The following DNAAF9 variants were observed in gnomAD, a reference collection of about 807,000 sequenced individuals.
The protein encoded by DNAAF9 is dynein axonemal assembly factor 9.
DNAAF9 carries 90 observed loss-of-function variants against 167.0 expected under a neutral mutation model. The ratio of observed to expected loss-of-function variants is 0.54; its 90% CI spans 0.45 to 0.64. DNAAF9 has a LOEUF of 0.64. DNAAF9 is among the 30% of genes least tolerant of loss of function. The pLI is 0.00. For missense variants in DNAAF9, 1,315 were observed against 1,442.2 expected (o/e 0.91, Z 1.43); for synonymous variants, 491 against 508.8 (o/e 0.96, Z 0.47).
At chr20:3,365,455 G>A (rs557710381) in intron 6 of DNAAF9, among the ~76,000 whole-genome samples, 1 of 152,152 alleles carries the variant, frequency 6.6e-6, no homozygotes, top group South Asian at 2.1e-4. Flanking sequence ...GCAGTGGCGT[G>A]ATCTCAGCTC....
At chr20:3,324,458 G>A (rs998682051) in intron 14 of DNAAF9, among the ~76,000 whole-genome samples, 2 of 151,936 alleles carry the variant, frequency 1.3e-5, no homozygotes, top group African/African-American at 4.8e-5. Flanking sequence ...AGATGATGCA[G>A]ACCCCAGGAC....
intron 12 of DNAAF9, among the ~76,000 whole-genome samples, chr20:3,328,700 T>C (rs1270080091): frequency 6.6e-6 from 1 of 152,032 alleles, no homozygotes; most frequent in Non-Finnish European, 1.5e-5. Flanking sequence ...AAGGTAAGAC[T>C]ACACCCACCA....
At chr20:3,293,203 G>A (rs2122926689) in intron 25 of DNAAF9, among the ~76,000 whole-genome samples, 1 of 131,708 alleles carries the variant, frequency 7.6e-6, no homozygotes, top group Admixed American at 9.2e-5. Flanking sequence ...TGAGGCAGGA[G>A]AATCCCTTGA....
intron 11 of DNAAF9, 107 bp from the exon 12 acceptor site, chr20:3,330,789 C>A: frequency 5.7e-6 from 3 of 530,590 alleles, no homozygotes; most frequent in Non-Finnish European, 9.8e-6. Context: ...TCAAGAACTA[C>A]ACTTTTTTTT....
At chr20:3,326,413 CCACT>C in intron 12 of DNAAF9, 129 bp from the exon 13 acceptor site, 1 of 650,888 alleles carries the variant, frequency 1.5e-6, no homozygotes. Flanking sequence ...AAAATATAAC[CCACT>C]GATTTCTAAA....
chr20:3,280,893 G>A (rs2122858459), intron 28 of DNAAF9, among the ~76,000 whole-genome samples: 1 of 152,208 alleles, frequency 6.6e-6, no homozygotes, highest in Middle Eastern at 3.4e-3. Context: ...GAGATTACAG[G>A]CATGAGCCAC....
At chr20:3,328,814 A>T (rs866266919) in intron 12 of DNAAF9, among the ~76,000 whole-genome samples, 1 of 151,844 alleles carries the variant, frequency 6.6e-6, no homozygotes, top group East Asian at 1.9e-4. Context: ...GCCCAGAAAG[A>T]TATATACGTA....
intron 33 of DNAAF9, among the ~76,000 whole-genome samples, chr20:3,257,707 C>T (rs1000356459): frequency 1.3e-5 from 2 of 151,476 alleles, no homozygotes; most frequent in Admixed American, 6.6e-5. Flanking sequence ...CCATGCCCGG[C>T]TAATTTTTTT....
At chr20:3,391,782 T>A (rs1359717436) in intron 1 of DNAAF9, among the ~76,000 whole-genome samples, 1 of 152,120 alleles carries the variant, frequency 6.6e-6, no homozygotes, top group Admixed American at 6.5e-5. Context: ...TTTCTCCATG[T>A]TGGCCAGGCT....
intron 6 of DNAAF9, among the ~76,000 whole-genome samples, chr20:3,368,045 C>A (rs2083452211): frequency 6.6e-6 from 1 of 152,210 alleles, no homozygotes; most frequent in African/African-American, 2.4e-5. Context: ...ACACATCAGG[C>A]ACTATCCTCG....
At position 3,256,163 on chromosome 20, in the gene DNAAF9, A is replaced by C; in HGVS notation, c.3104T>G (p.Leu1035Trp). ...TCCTTCCAAAACTGGCATGATGCTC[A>C]AGGAGTTGGCCAGTGTGTTGTAGCA... ...EVCYNTLANS[L>W]SIMPVLEGPT... is the part of the protein sequence containing the mutation. The change falls in exon 34 of 37, where the codon TTG becomes TGG. Residue 1035 changes from leucine to tryptophan, a missense_variant. By Grantham distance (61) the Leu-to-Trp change is moderately conservative. This residue lies in a region of DNAAF9 where 334 missense variants were observed against 429.7 expected (regional missense o/e 0.78). Transcript: ENST00000252032. The C allele has an allele frequency of 1.2e-6, 2 of 1,614,194 alleles. No homozygotes were observed. Among genetic ancestry groups the C allele is most frequent in the Non-Finnish European group, 1.7e-6 (2 of 1,180,026 alleles).
intron 29 of DNAAF9, among the ~76,000 whole-genome samples, chr20:3,272,789 C>T (rs1314065816): frequency 6.6e-6 from 1 of 152,034 alleles, no homozygotes; most frequent in Non-Finnish European, 1.5e-5. Context: ...ATCATCAACC[C>T]ATTTACTAAT....
At chr20:3,394,515 A>T (rs540091715) in intron 1 of DNAAF9, among the ~76,000 whole-genome samples, 1 of 152,246 alleles carries the variant, frequency 6.6e-6, no homozygotes, top group Admixed American at 6.5e-5. Context: ...TGCCTTCCCC[A>T]GTCAGTATTA....
chr20:3,393,223 G>C (rs1753040857), intron 1 of DNAAF9, among the ~76,000 whole-genome samples: 1 of 151,890 alleles, frequency 6.6e-6, no homozygotes. Context: ...TGTTGCCCAG[G>C]CTAGAGTAAA....
At position 3,358,918 on chromosome 20, in the gene DNAAF9, C is replaced by T. The variant is rs2083324364; in HGVS notation, c.690+598G>A. 4.6e-5 allele frequency among the ~76,000 whole-genome samples: 7 copies of T among 152,056 alleles called. No homozygotes were observed. In the South Asian group the frequency reaches 1.0e-3, roughly 23 times the overall value. On this transcript the variant is annotated intron_variant, in intron 7 of 36. Transcript: ENST00000252032. ...CTAAAGCTTTAGTTCTGTTTGTTGC[C>T]GCTCGTTGCAAATTTCCCCCCGATC...
intron 7 of DNAAF9, among the ~76,000 whole-genome samples, chr20:3,353,340 T>G (rs1038799302): frequency 1.3e-5 from 2 of 151,908 alleles, no homozygotes; most frequent in Non-Finnish European, 2.9e-5. Flanking sequence ...CTTCACTTTG[T>G]GAGACTTTAA....
At chr20:3,321,167 G>A (rs763195930) in intron 16 of DNAAF9, among the ~76,000 whole-genome samples, 5 of 152,146 alleles carry the variant, frequency 3.3e-5, no homozygotes, top group Non-Finnish European at 7.4e-5. Flanking sequence ...GGCAGACCCA[G>A]GTCCCTGTTG....
intron 6 of DNAAF9, among the ~76,000 whole-genome samples, chr20:3,369,143 A>AG (rs397865064): frequency 6.6e-6 from 1 of 151,492 alleles, no homozygotes; most frequent in Non-Finnish European, 1.5e-5. Flanking sequence ...AAAAAAAAAA[A>AG]GGATATTCTT....
chr20:3,369,822 C>T (rs1299708157), intron 6 of DNAAF9, among the ~76,000 whole-genome samples: 1 of 152,098 alleles, frequency 6.6e-6, no homozygotes, highest in Non-Finnish European at 1.5e-5. Flanking sequence ...TTTCCTAGAG[C>T]TCGTATTTTC....
Sources: gnomAD v4.1 joint callset for allele counts (sites outside exome capture counted in the v4.1 genomes callset) on GRCh38, gnomAD v4.1.1 for gene constraint, gnomAD v4.1.1 regional missense constraint, MANE v1.5 for transcripts, NCBI Gene and HGNC (gene_info 2026-07-23, HGNC 2026-07-21) for gene names.